NTHL1: variants seen among roughly 807,000 people sequenced by gnomAD.
NTHL1 encodes the protein endonuclease III-like protein 1.
A neutral mutation model predicts 32.3 loss-of-function variants in NTHL1; 32 were observed. The observed-to-expected ratio is 0.99, with a 90% CI of 0.75 to 1.33. The LOEUF is 1.33. Ranked by LOEUF, NTHL1 falls within the 40% of genes most tolerant of loss-of-function variation. The pLI is 0.00. For missense variants in NTHL1, 501 were observed against 414.1 expected (o/e 1.21, Z -1.82); for synonymous variants, 188 against 176.9 (o/e 1.06, Z -0.50).
At position 2,043,897 on chromosome 16, in the gene NTHL1, G is replaced by C. The variant is rs989512393; in HGVS notation, c.526-171C>G. 1 of 729,728 alleles carries C rather than the reference G, an allele frequency of 1.4e-6. No homozygotes were observed. The highest frequency in any genetic ancestry group is 1.7e-5 in the African/African-American group (1 of 57,524). The allele number at this position is 729,728 out of a possible 1,614,324, so 45.2% of individuals were successfully genotyped here. On this transcript the variant is annotated intron_variant, in intron 3 of 5. Transcript: ENST00000651570. This position sits in a 1 kb window ranked among gnomAD's most constrained non-coding sequence, Gnocchi z 4.4. ...GGGAACAAGCGGAGGGCAGCAGGGA[G>C]GCCCAAGGTAGGCCTGACCCCCTCC... is the stretch of plus-strand genomic sequence containing the variant.
At position 2,043,857 on chromosome 16, in the gene NTHL1, C is replaced by G. The variant is rs1026121753; in HGVS notation, c.526-131G>C. 9.0e-7 allele frequency: 1 copy of G among 1,110,956 alleles called. No homozygotes were observed. Among genetic ancestry groups the G allele is most frequent in the Non-Finnish European group, 1.3e-6 (1 of 764,586 alleles). The allele number at this position is 1,110,956 out of a possible 1,614,324, so 68.8% of individuals were successfully genotyped here. A position where few individuals can be genotyped will look rare whatever the true frequency, so the allele number is the denominator to read the frequency against. ...TGAGGACGTGTGCAAGCTCAGCCCCCGCCCCCCAGGAGGCGGGAACAAGCG... is the reference window on the plus strand; with the variant it reads ...TGAGGACGTGTGCAAGCTCAGCCCCGGCCCCCCAGGAGGCGGGAACAAGCG... On this transcript the variant is annotated intron_variant, in intron 3 of 5. Transcript: ENST00000651570. The surrounding 1 kb of genome is among the most constrained non-coding windows in gnomAD (Gnocchi z 4.4).
At position 2,044,080 on chromosome 16, in the gene NTHL1, G is replaced by T; in HGVS notation, c.526-354C>A. 5.1e-6 allele frequency: 2 copies of T among 389,252 alleles called. No homozygotes were observed. Among genetic ancestry groups the T allele is most frequent in the Non-Finnish European group, 9.7e-6 (2 of 206,360 alleles). 24.1% of individuals were successfully genotyped at this position (389,252 alleles called of 1,614,324 possible). ...CCTTCAGGAAGGAGGGCTGGAGCTG[G>T]GGCTTCCCCACCAGCTGCCAGGCCT... On this transcript the variant is annotated intron_variant, in intron 3 of 5. Coordinates refer to ENST00000651570, the MANE Select transcript of NTHL1 (RefSeq NM_002528.7). The surrounding 1 kb of genome is among the most constrained non-coding windows in gnomAD (Gnocchi z 5.0).
chr16:2,044,927 C>T lies in NTHL1; in HGVS notation c.355-127G>A. The T allele has an allele frequency of 6.3e-6, 7 of 1,104,264 alleles. No homozygotes were observed. The highest frequency in any genetic ancestry group is 4.8e-5 in the South Asian group (3 of 62,648). The allele number at this position is 1,104,264 out of a possible 1,614,324, so 68.4% of individuals were successfully genotyped here. ...GGCCACACTTGAGGCATCAGCCTCC[C>T]CCTGTGGGGTGGGGAGGTCTGGTTT... On this transcript the variant is annotated intron_variant, in intron 2 of 5. Transcript: ENST00000651570. This position sits in a 1 kb window ranked among gnomAD's most constrained non-coding sequence, Gnocchi z 5.0.
At chr16:2,040,716 G>C (rs2084255812) in intron 4 of NTHL1, among the ~76,000 whole-genome samples, 1 of 152,182 alleles carries the variant, frequency 6.6e-6, no homozygotes, top group African/African-American at 2.4e-5. Flanking sequence ...CCGAGGCCCG[G>C]CAGGATCCCG....
Position 2,044,453 on chromosome 16 carries a change from C to G in NTHL1, c.525+177G>C, listed in dbSNP as rs1567369768. Among the ~76,000 whole-genome samples the G allele has an allele frequency of 6.6e-6, 1 of 152,182 alleles. No homozygotes were observed. The highest frequency in any genetic ancestry group is 1.5e-5 in the Non-Finnish European group (1 of 68,014). On this transcript the variant is annotated intron_variant, in intron 3 of 5. Coordinates refer to ENST00000651570, the MANE Select transcript of NTHL1 (RefSeq NM_002528.7). This position sits in a 1 kb window ranked among gnomAD's most constrained non-coding sequence, Gnocchi z 5.0. Reference sequence around the variant, plus strand: ...GGATGCGAACAGGAAGGCCAAGGAGCTGCTGGGACTGGGCGTCAGGCCTCA... The same window carrying G: ...GGATGCGAACAGGAAGGCCAAGGAGGTGCTGGGACTGGGCGTCAGGCCTCA...
At chr16:2,046,050 CA>C (rs2084355781) in intron 2 of NTHL1, 77 bp downstream of exon 2, 1 of 1,316,374 alleles carries the variant, frequency 7.6e-7, no homozygotes, top group African/African-American at 1.4e-5. Flanking sequence ...GGGTGCCAGC[CA>C]AAAGCCACCG....
intron 4 of NTHL1, chr16:2,041,995 C>G (rs2084273658): frequency 2.2e-6 from 1 of 454,726 alleles, no homozygotes; most frequent in Admixed American, 2.4e-5. Context: ...TCAGGTGATC[C>G]ACATACCTCG....
At position 2,044,252 on chromosome 16, in the gene NTHL1, C is replaced by T. The variant is rs963500967; in HGVS notation, c.525+378G>A. 9.2e-5 allele frequency among the ~76,000 whole-genome samples: 14 copies of T among 152,254 alleles called. No homozygotes were observed. Among genetic ancestry groups the T allele is most frequent in the Non-Finnish European group, 1.0e-4 (7 of 68,022 alleles). ...CCGCCCACCACCATCCAGTGCTCGGCGGGGTTGGGGAGCAGCCTCCCCAGG... is the reference window on the plus strand; with the variant it reads ...CCGCCCACCACCATCCAGTGCTCGGTGGGGTTGGGGAGCAGCCTCCCCAGG... On this transcript the variant is annotated intron_variant, in intron 3 of 5. Coordinates refer to ENST00000651570, the MANE Select transcript of NTHL1 (RefSeq NM_002528.7). The surrounding 1 kb of genome is among the most constrained non-coding windows in gnomAD (Gnocchi z 5.0).
intron 4 of NTHL1, among the ~76,000 whole-genome samples, chr16:2,041,767 CT>C (rs1480146714): frequency 1.3e-5 from 2 of 152,166 alleles, no homozygotes; most frequent in Non-Finnish European, 2.9e-5. Flanking sequence ...GACACAATGC[CT>C]GGCTAATTTT....
In NTHL1 at chr16:2,043,143, C is replaced by T. The variant is rs546028820; in HGVS notation, c.685+424G>A. Among the ~76,000 whole-genome samples the T allele has an allele frequency of 7.9e-5, 12 of 151,468 alleles. No individual in the cohort carries two copies. Among genetic ancestry groups the T allele is most frequent in the African/African-American group, 1.2e-4 (5 of 41,220 alleles). On this transcript the variant is annotated intron_variant, in intron 4 of 5. Transcript: ENST00000651570. The surrounding 1 kb of genome is among the most constrained non-coding windows in gnomAD (Gnocchi z 4.4). ...TCCTTCTGCTGGGAACACACTTCCT[C>T]CTCTTGGCCTGGCTCACCCCACCTT...
chr16:2,046,669 C>T (rs1213460471), intron 1 of NTHL1, among the ~76,000 whole-genome samples: 2 of 152,130 alleles, frequency 1.3e-5, no homozygotes, highest in Non-Finnish European at 2.9e-5. Context: ...TTGTGTCACT[C>T]CCTTTTAAAA....
chr16:2,047,783 C>G lies in NTHL1; in HGVS notation c.41G>C (p.Ser14Thr). The G allele has an allele frequency of 1.3e-6, 2 of 1,589,104 alleles. No homozygotes were observed. Among genetic ancestry groups the G allele is most frequent in the Admixed American group, 1.7e-5 (1 of 58,896 alleles). ...LSARMLTRSR[S>T]LGPGAGPRGC... ...CCGCGGCCCAGCCCCGGGTCCCAGG[C>G]TCCGGCTCCGGGTCAGCATCCTCGC... is the stretch of plus-strand genomic sequence containing the variant. Residue 14 changes from serine to threonine, a missense_variant, in exon 1 of 6, where the codon AGC (serine) becomes ACC (threonine). Physicochemically the swap from Ser to Thr is moderately conservative, Grantham distance 58. Coordinates refer to ENST00000651570, the MANE Select transcript of NTHL1 (RefSeq NM_002528.7).
rs1485517752 is a variant in NTHL1, at chr16:2,044,933, G to T, written c.355-133C>A. ...ACTTGAGGCATCAGCCTCCCCCTGTGGGGTGGGGAGGTCTGGTTTGGGTAT... is the reference window on the plus strand; with the variant it reads ...ACTTGAGGCATCAGCCTCCCCCTGTTGGGTGGGGAGGTCTGGTTTGGGTAT... On this transcript the variant is annotated intron_variant, in intron 2 of 5. Transcript: ENST00000651570. The surrounding 1 kb of genome is among the most constrained non-coding windows in gnomAD (Gnocchi z 5.0). The T allele has an allele frequency of 2.0e-6, 2 of 1,000,934 alleles. No individual in the cohort carries two copies. Among genetic ancestry groups the T allele is most frequent in the Non-Finnish European group, 2.9e-6 (2 of 698,314 alleles). 62.0% of individuals were successfully genotyped at this position (1,000,934 alleles called of 1,614,324 possible).
rs1262634637 is a variant in NTHL1 at position 2,043,510 on chromosome 16, T to A, written c.685+57A>T. 6.3e-7 allele frequency: 1 copy of A among 1,594,340 alleles called. No individual in the cohort carries two copies. The highest frequency in any genetic ancestry group is 8.5e-7 in the Non-Finnish European group (1 of 1,177,014). ...AGTGGAGTCACAGGTCACAAGGATG[T>A]GGGGAATCCCAAGAGCAGCCAGTGG... is the stretch of plus-strand genomic sequence containing the variant. On this transcript the variant is annotated intron_variant, in intron 4 of 5. Transcript: ENST00000651570. The surrounding 1 kb of genome is among the most constrained non-coding windows in gnomAD (Gnocchi z 4.4).
At chr16:2,047,527 G>A (rs1188089102) in intron 1 of NTHL1, 182 bp downstream of exon 1, 2 of 1,064,416 alleles carry the variant, frequency 1.9e-6, no homozygotes, top group Admixed American at 3.0e-5. Context: ...AGCCCCTGCG[G>A]ACCGCAATCT....
Position 2,043,341 on chromosome 16 carries a change from C to T in NTHL1, c.685+226G>A. 1 of 601,634 alleles carries T rather than the reference C, an allele frequency of 1.7e-6. No homozygotes were observed. The highest frequency in any genetic ancestry group is 4.5e-4 in the Middle Eastern group (1 of 2,226). 37.3% of individuals were successfully genotyped at this position (601,634 alleles called of 1,614,324 possible). A position where few individuals can be genotyped will look rare whatever the true frequency, so the allele number is the denominator to read the frequency against. ...ACGCAGATGGAGTCCAGCTCCGGGG[C>T]CTCTCTCAGAGCCCTGCACGGAGCA... On this transcript the variant is annotated intron_variant, in intron 4 of 5. Transcript: ENST00000651570. This position sits in a 1 kb window ranked among gnomAD's most constrained non-coding sequence, Gnocchi z 4.4.
At chr16:2,041,860 G>T in intron 4 of NTHL1, 1 of 349,054 alleles carries the variant, frequency 2.9e-6, no homozygotes, top group Non-Finnish European at 5.6e-6. Context: ...TGCCTGCCTC[G>T]GCCTCCCAAA....
chr16:2,047,334 A>T (rs2084475595), intron 1 of NTHL1: 1 of 290,510 alleles, frequency 3.4e-6, no homozygotes, highest in African/African-American at 2.3e-5. Flanking sequence ...GAGCTGGGGG[A>T]GCAGGCTTCT....
chr16:2,044,833 G>T lies in NTHL1; in HGVS notation c.355-33C>A, dbSNP rs2084321132. 1.3e-6 allele frequency: 2 copies of T among 1,553,794 alleles called. No individual in the cohort carries two copies. The highest frequency in any genetic ancestry group is 1.7e-6 in the Non-Finnish European group (2 of 1,147,420). ...TGCAGTGACAGGGACCGGGGTGGCGGCGGGTCCTGGGTGATTCCCTGGCCA... is the reference window on the plus strand; with the variant it reads ...TGCAGTGACAGGGACCGGGGTGGCGTCGGGTCCTGGGTGATTCCCTGGCCA... On this transcript the variant is annotated intron_variant, in intron 2 of 5. Coordinates refer to ENST00000651570, the MANE Select transcript of NTHL1 (RefSeq NM_002528.7). The surrounding 1 kb of genome is among the most constrained non-coding windows in gnomAD (Gnocchi z 5.0).
Sources: allele counts gnomAD v4.1 joint callset (sites outside exome capture counted in the v4.1 genomes callset), GRCh38; gene constraint gnomAD v4.1.1; non-coding constraint Gnocchi (gnomAD v3.1); transcripts MANE v1.5; gene names NCBI Gene and HGNC (gene_info 2026-07-23, HGNC 2026-07-21).